PRKN: variants seen among roughly 807,000 people sequenced by gnomAD.
The protein encoded by PRKN is E3 ubiquitin-protein ligase parkin.
In PRKN, 56 loss-of-function variants were observed where a neutral mutation model predicts 59.5. That is an observed-to-expected ratio of 0.94 (90% CI 0.76 to 1.18). PRKN has a LOEUF of 1.18. Among genes scored for constraint, PRKN ranks in the 50% most tolerant of loss-of-function variants. PRKN has a pLI of 0.00. For synonymous variants in PRKN, 250 were observed against 222.1 expected, an observed-to-expected ratio of 1.13 and a Z score of -1.12; for missense variants, 657 against 596.4, an observed-to-expected ratio of 1.10 and a Z score of -1.06.
intron 7 of PRKN, among the ~76,000 whole-genome samples, chr6:161,612,941 T>C (rs573000163): frequency 1.3e-3 from 191 of 152,248 alleles, no homozygotes; most frequent in African/African-American, 4.2e-3. Flanking sequence ...CTGATGGAGA[T>C]GTCCAAGGAG....
In PRKN at chr6:162,697,657, T is replaced by C. The variant is rs182783374; in HGVS notation, c.7+30005A>G. On this transcript the variant is annotated intron_variant, in intron 1 of 11. Transcript: ENST00000366898. ...AGTTGGGAAGCATCTGTTCAAACAA[T>C]AGTTTAGGATTTTATTGAAGGTCAA... 9.2e-5 allele frequency among the ~76,000 whole-genome samples: 14 copies of C among 152,308 alleles called. No homozygotes were observed. In the East Asian group the frequency reaches 1.9e-3, roughly 21 times the overall value.
intron 7 of PRKN, among the ~76,000 whole-genome samples, chr6:161,665,674 T>C (rs963258178): frequency 2.6e-5 from 4 of 152,206 alleles, no homozygotes; most frequent in South Asian, 2.1e-4. Context: ...CCTACATTAG[T>C]ATCAAACATT....
At chr6:161,748,957 G>C (rs985617785) in intron 7 of PRKN, among the ~76,000 whole-genome samples, 1 of 152,164 alleles carries the variant, frequency 6.6e-6, no homozygotes, top group Non-Finnish European at 1.5e-5. Flanking sequence ...ACCAGACAAA[G>C]CGAAACAAAA....
intron 4 of PRKN, among the ~76,000 whole-genome samples, chr6:162,125,520 G>T (rs563610300): frequency 6.6e-6 from 1 of 152,140 alleles, no homozygotes; most frequent in South Asian, 2.1e-4. Context: ...GAATTCTAGG[G>T]AGGATTAGAA....
At chr6:161,531,993 T>A (rs865949312) in intron 9 of PRKN, among the ~76,000 whole-genome samples, 1 of 152,060 alleles carries the variant, frequency 6.6e-6, no homozygotes, top group Non-Finnish European at 1.5e-5. Flanking sequence ...CCAAAAGCAT[T>A]TAATAAAGAA....
Position 162,010,530 on chromosome 6 carries a change from ATTATATAATG to A in PRKN, c.619-37123_619-37114del, listed in dbSNP as rs1346840675. On this transcript the variant is annotated intron_variant, in intron 5 of 11. Coordinates refer to ENST00000366898, the MANE Select transcript of PRKN (RefSeq NM_004562.3). ...TATTATATTATATATTATATAATAT[ATTATATAATG>A]TATTATATTATATATTATATAATAT... is the stretch of plus-strand genomic sequence containing the variant. Among the ~76,000 whole-genome samples, 3 of 28,802 alleles carry A rather than the reference ATTATATAATG, an allele frequency of 1.0e-4. 1 individual carries two copies. The East Asian group carries it at 3.9e-3, about 37-fold the overall frequency. 18.9% of individuals were successfully genotyped at this position (28,802 alleles called of 152,430 possible). A position where few individuals can be genotyped will look rare whatever the true frequency, so the allele number is the denominator to read the frequency against.
intron 3 of PRKN, among the ~76,000 whole-genome samples, chr6:162,212,157 G>C (rs951340230): frequency 7.1e-4 from 108 of 151,970 alleles, no homozygotes; most frequent in South Asian, 1.2e-3. Flanking sequence ...CTCACTCAGG[G>C]GCCGCCTCTC....
intron 7 of PRKN, among the ~76,000 whole-genome samples, chr6:161,601,467 T>C (rs1230673595): frequency 6.6e-6 from 1 of 152,204 alleles, no homozygotes; most frequent in Non-Finnish European, 1.5e-5. Context: ...TATCTTGGAA[T>C]ACTTTGAGGA....
chr6:162,336,697 C>A (rs1783861408), intron 2 of PRKN, among the ~76,000 whole-genome samples: 1 of 152,150 alleles, frequency 6.6e-6, no homozygotes, highest in South Asian at 2.1e-4. Context: ...AAATTAATCT[C>A]CACATCAGAA....
chr6:162,491,411 C>T (rs1287267372), intron 1 of PRKN, among the ~76,000 whole-genome samples: 1 of 152,208 alleles, frequency 6.6e-6, no homozygotes, highest in Non-Finnish European at 1.5e-5. Context: ...CACTGGGTCT[C>T]CAGGGCCCAG....
chr6:161,857,691 A>T (rs1793713053), intron 6 of PRKN, among the ~76,000 whole-genome samples: 1 of 152,218 alleles, frequency 6.6e-6, no homozygotes, highest in Non-Finnish European at 1.5e-5. Context: ...AACTCAGTTT[A>T]AAAAATAACA....
chr6:162,252,266 G>A (rs1315899838), intron 3 of PRKN, among the ~76,000 whole-genome samples: 1 of 152,156 alleles, frequency 6.6e-6, no homozygotes, highest in African/African-American at 2.4e-5. Flanking sequence ...CACTGTATTG[G>A]GGGCAGGTGC....
At chr6:162,012,306 T>C (rs1782760157) in intron 5 of PRKN, among the ~76,000 whole-genome samples, 1 of 152,152 alleles carries the variant, frequency 6.6e-6, no homozygotes, top group Admixed American at 6.6e-5. Flanking sequence ...ACGTTTAGTT[T>C]ATCTTCTTCT....
At chr6:162,336,123 A>G (rs1562680948) in intron 2 of PRKN, among the ~76,000 whole-genome samples, 2 of 152,116 alleles carry the variant, frequency 1.3e-5, no homozygotes, top group African/African-American at 4.8e-5. Flanking sequence ...AAACAGGAGT[A>G]TGAGAGGTTT....
At chr6:162,447,299 G>C (rs775411278) in intron 1 of PRKN, among the ~76,000 whole-genome samples, 4 of 152,080 alleles carry the variant, frequency 2.6e-5, no homozygotes, top group Admixed American at 6.5e-5. Flanking sequence ...TCTGGATTCT[G>C]CTCCTCTTGG....
At position 162,416,117 on chromosome 6, in the gene PRKN, G is replaced by A. The variant is rs995279317; in HGVS notation, c.171+27193C>T. On this transcript the variant is annotated intron_variant, in intron 2 of 11. Transcript: ENST00000366898. ...TTAAAATACCGGCCTGGCACTTGTGGACATTTGTGCTAATGGCCCTTGGTT... is the reference window on the plus strand; with the variant it reads ...TTAAAATACCGGCCTGGCACTTGTGAACATTTGTGCTAATGGCCCTTGGTT... 1.3e-5 allele frequency among the ~76,000 whole-genome samples: 2 copies of A among 152,090 alleles called. 1 individual carries two copies. Among genetic ancestry groups the A allele is most frequent in the East Asian group, 3.9e-4 (2 of 5,194 alleles).
intron 2 of PRKN, among the ~76,000 whole-genome samples, chr6:162,330,929 A>G (rs1783542107): frequency 6.6e-6 from 1 of 152,210 alleles, no homozygotes; most frequent in African/African-American, 2.4e-5. Flanking sequence ...GAGTGACTGC[A>G]ATACAGACCC....
At chr6:162,491,683 C>A (rs2128185133) in intron 1 of PRKN, among the ~76,000 whole-genome samples, 1 of 152,312 alleles carries the variant, frequency 6.6e-6, no homozygotes, top group South Asian at 2.1e-4. Context: ...TAGGGAGAAC[C>A]AGTCTTTTGG....
intron 1 of PRKN, among the ~76,000 whole-genome samples, chr6:162,479,933 C>T (rs371526236): frequency 1.5e-4 from 23 of 151,956 alleles, no homozygotes; most frequent in Admixed American, 4.6e-4. Flanking sequence ...GGCGTGGTGG[C>T]GCATGCCTGT....
Sources: allele counts gnomAD v4.1 joint callset (sites outside exome capture counted in the v4.1 genomes callset), GRCh38; gene constraint gnomAD v4.1.1; transcripts MANE v1.5; gene names NCBI Gene and HGNC (gene_info 2026-07-23, HGNC 2026-07-21).